Variants in DLGAP1 observed in about 807,000 individuals in gnomAD.
DLGAP1 encodes disks large-associated protein 1.
In DLGAP1, 11 loss-of-function variants were observed where a neutral mutation model predicts 90.8. That is an observed-to-expected ratio of 0.12 (90% CI 0.08 to 0.20). DLGAP1 has a LOEUF of 0.20. Among genes scored for constraint, DLGAP1 ranks in the 10% least tolerant of loss-of-function variants. The pLI is 1.00. For missense variants in DLGAP1, 1,050 were observed against 1,333.8 expected, an observed-to-expected ratio of 0.79 and a Z score of 3.31; for synonymous variants, 558 against 540.7, an observed-to-expected ratio of 1.03 and a Z score of -0.44.
chr18:3,610,943 T>G (rs1359301227), intron 7 of DLGAP1, among the ~76,000 whole-genome samples: 5 of 151,970 alleles, frequency 3.3e-5, no homozygotes, highest in African/African-American at 1.2e-4. Context: ...TTTCATAATT[T>G]GTATGACTCA....
chr18:3,743,946 G>A (rs918198448), intron 5 of DLGAP1, among the ~76,000 whole-genome samples: 10 of 152,142 alleles, frequency 6.6e-5, no homozygotes, highest in Admixed American at 3.3e-4. Flanking sequence ...CACTGTGCCC[G>A]GCCAATGTTA....
At chr18:4,096,087 G>A (rs1257412249) in intron 2 of DLGAP1, among the ~76,000 whole-genome samples, 15 of 152,146 alleles carry the variant, frequency 9.9e-5, no homozygotes. Context: ...ATGCAGTGTG[G>A]TGATCTCAGC....
At chr18:3,624,764 T>A (rs2146082855) in intron 7 of DLGAP1, among the ~76,000 whole-genome samples, 1 of 152,328 alleles carries the variant, frequency 6.6e-6, no homozygotes, top group South Asian at 2.1e-4. Flanking sequence ...TGTTTTTTTC[T>A]GCTTAGCTAC....
intron 5 of DLGAP1, among the ~76,000 whole-genome samples, chr18:3,786,531 GGTC>G (rs1244270238): frequency 6.6e-6 from 1 of 152,120 alleles, no homozygotes; most frequent in Non-Finnish European, 1.5e-5. Flanking sequence ...TGGTATGTGT[GGTC>G]TTGGGTTTGG....
At chr18:3,620,794 G>A (rs2058068636) in intron 7 of DLGAP1, among the ~76,000 whole-genome samples, 1 of 152,128 alleles carries the variant, frequency 6.6e-6, no homozygotes, top group Non-Finnish European at 1.5e-5. Flanking sequence ...CTGACCTCAG[G>A]TGATCCGCCC....
chr18:3,497,941 T>G lies in DLGAP1; in HGVS notation c.*1244A>C, dbSNP rs1213644552. The G allele has an allele frequency of 1.3e-5, 2 of 152,350 alleles. No individual in the cohort carries two copies. Among genetic ancestry groups the G allele is most frequent in the East Asian group, 3.9e-4 (2 of 5,184 alleles). The allele number at this position is 152,350 out of a possible 1,614,324, so 9.4% of individuals were successfully genotyped here. A position where few individuals can be genotyped will look rare whatever the true frequency, so the allele number is the denominator to read the frequency against. ...AGATGACAGCGGCAGCTCTTTTGAA[T>G]GAGGCAGCATGTCTATTGGGGCAAA... On this transcript the variant is annotated 3_prime_UTR_variant, in exon 13 of 13. Transcript: ENST00000315677.
At chr18:3,854,269 GTCTT>G (rs774025535) in intron 4 of DLGAP1, among the ~76,000 whole-genome samples, 1 of 152,190 alleles carries the variant, frequency 6.6e-6, no homozygotes, top group Admixed American at 6.5e-5. Flanking sequence ...GAGAAGCAGA[GTCTT>G]TCTTTCTAGC....
chr18:4,175,308 T>C (rs992402142), intron 1 of DLGAP1, among the ~76,000 whole-genome samples: 2 of 152,332 alleles, frequency 1.3e-5, no homozygotes, highest in Non-Finnish European at 2.9e-5. Context: ...CTGTAAATTC[T>C]GGATATTCGA....
intron 3 of DLGAP1, among the ~76,000 whole-genome samples, chr18:3,974,781 T>G (rs1283240978): frequency 6.6e-6 from 1 of 152,168 alleles, no homozygotes; most frequent in Non-Finnish European, 1.5e-5. Context: ...GAGTAGTATT[T>G]TACAATTTAT....
intron 9 of DLGAP1, among the ~76,000 whole-genome samples, chr18:3,543,515 A>G (rs1005163724): frequency 1.3e-5 from 2 of 152,184 alleles, no homozygotes; most frequent in Admixed American, 6.5e-5. Flanking sequence ...AAAGCCAGAG[A>G]GTAGTGCTAA....
chr18:3,635,800 G>GA (rs771174439), intron 7 of DLGAP1, among the ~76,000 whole-genome samples: 4 of 151,600 alleles, frequency 2.6e-5, no homozygotes, highest in Non-Finnish European at 5.9e-5. Context: ...GCAATTCCAT[G>GA]AATTCAATCT....
chr18:4,450,314 C>T (rs1349935175), intron 1 of DLGAP1, among the ~76,000 whole-genome samples: 2 of 152,130 alleles, frequency 1.3e-5, no homozygotes, highest in Non-Finnish European at 2.9e-5. Flanking sequence ...AGGGTGTAAT[C>T]ATGAGGTTAG....
intron 7 of DLGAP1, among the ~76,000 whole-genome samples, chr18:3,684,359 T>TG (rs1190466407): frequency 1.4e-5 from 2 of 145,616 alleles, no homozygotes; most frequent in Admixed American, 6.9e-5. Flanking sequence ...CTGGCTAATT[T>TG]TTTTTTTTTT....
intron 1 of DLGAP1, among the ~76,000 whole-genome samples, chr18:4,256,835 C>T (rs1013450416): frequency 6.6e-6 from 1 of 152,022 alleles, no homozygotes; most frequent in African/African-American, 2.4e-5. Flanking sequence ...CAGGCTTCCT[C>T]GATAGCCTGA....
chr18:3,559,070 C>A (rs189232502), intron 9 of DLGAP1, among the ~76,000 whole-genome samples: 6 of 152,290 alleles, frequency 3.9e-5, no homozygotes, highest in Non-Finnish European at 8.8e-5. Context: ...TATAGTAATT[C>A]TCCATTGCTG....
chr18:3,941,048 C>T (rs752928188), intron 3 of DLGAP1, among the ~76,000 whole-genome samples: 1 of 151,908 alleles, frequency 6.6e-6, no homozygotes, highest in Non-Finnish European at 1.5e-5. Context: ...AAGAGAGCCA[C>T]GAATATAAAA....
intron 11 of DLGAP1, among the ~76,000 whole-genome samples, chr18:3,503,200 CATAGGAAGTAAT>C (rs2050038264): frequency 2.1e-5 from 2 of 94,126 alleles, no homozygotes; most frequent in African/African-American, 3.2e-5. Context: ...GTAATTTTAT[CATAGGAAGTAAT>C]TTTATCATAT....
intron 1 of DLGAP1, among the ~76,000 whole-genome samples, chr18:4,301,507 G>GTA (rs978012849): frequency 1.1e-4 from 16 of 152,146 alleles, no homozygotes; most frequent in Admixed American, 2.0e-4. Flanking sequence ...GCATGTGTTT[G>GTA]TATATATATA....
intron 2 of DLGAP1, among the ~76,000 whole-genome samples, chr18:4,054,170 G>A (rs1200457271): frequency 1.3e-5 from 2 of 152,114 alleles, no homozygotes; most frequent in African/African-American, 4.8e-5. Context: ...GATCTTTTAG[G>A]TCTGAATATG....
Sources: gnomAD v4.1 joint callset for allele counts (sites outside exome capture counted in the v4.1 genomes callset) on GRCh38, gnomAD v4.1.1 for gene constraint, MANE v1.5 for transcripts, NCBI Gene and HGNC (gene_info 2026-07-23, HGNC 2026-07-21) for gene names.